The following ADGRD1 variants were observed in gnomAD, a reference collection of about 807,000 sequenced individuals.
The protein encoded by ADGRD1 is adhesion G protein-coupled receptor D1.
Under a neutral mutation model 113.4 loss-of-function variants are expected in ADGRD1, and 77 were observed. The observed-to-expected ratio is 0.68, with a 90% CI of 0.57 to 0.82. The LOEUF (loss-of-function observed/expected upper bound fraction) is 0.82. Ranked by LOEUF, ADGRD1 falls within the 40% of genes least tolerant of loss-of-function variation. The pLI is 0.00. For missense variants in ADGRD1, 1,036 were observed against 1,139.1 expected (o/e 0.91, Z 1.30); for synonymous variants, 474 against 475.0 (o/e 1.00, Z 0.03).
At position 131,084,850 on chromosome 12, in the gene ADGRD1, C is replaced by T. The variant is rs1474985016; in HGVS notation, c.1671+187C>T. On this transcript the variant is annotated intron_variant, in intron 15 of 24. Transcript: ENST00000261654. The surrounding 1 kb of genome is among the most constrained non-coding windows in gnomAD (Gnocchi z 4.5). The stretch of plus-strand genomic sequence containing the variant: ...TCCAGGGTCCTGCATGTATTGGGTG[C>T]CAGCAAATATCCGAGGAGCCCATGA... Among the ~76,000 whole-genome samples the T allele has an allele frequency of 3.9e-5, 6 of 152,174 alleles. No homozygotes were observed. Among genetic ancestry groups the T allele is most frequent in the Non-Finnish European group, 8.8e-5 (6 of 68,024 alleles).
At chr12:131,013,832 C>T (rs1566029638) in intron 12 of ADGRD1, among the ~76,000 whole-genome samples, 1 of 152,138 alleles carries the variant, frequency 6.6e-6, no homozygotes, top group Non-Finnish European at 1.5e-5. Flanking sequence ...AGATTCATGC[C>T]CTGTTATTTT....
intron 6 of ADGRD1, chr12:130,989,448 G>A (rs190554148): frequency 6.6e-6 from 1 of 152,364 alleles, no homozygotes; most frequent in East Asian, 1.9e-4. Context: ...GCATGTATAG[G>A]AGAATGGCTC....
chr12:131,120,716 G>T, intron 19 of ADGRD1, 131 bp from the exon 20 acceptor site: 1 of 820,622 alleles, frequency 1.2e-6, no homozygotes, highest in Non-Finnish European at 2.2e-6. Context: ...CAGGGATTAG[G>T]AATGTTGTAT....
At chr12:131,085,490 A>G (rs556303815) in intron 15 of ADGRD1, among the ~76,000 whole-genome samples, 8 of 152,056 alleles carry the variant, frequency 5.3e-5, no homozygotes, top group African/African-American at 1.9e-4. Flanking sequence ...TTCATTCTAG[A>G]TGCATACGAA....
intron 20 of ADGRD1, among the ~76,000 whole-genome samples, chr12:131,131,299 G>C (rs1950920057): frequency 6.6e-6 from 1 of 152,244 alleles, no homozygotes; most frequent in Admixed American, 6.5e-5. Context: ...GGAGATGAGA[G>C]CCAGCTCCTG....
chr12:131,041,521 G>T lies in ADGRD1; in HGVS notation c.1473+27181G>T, dbSNP rs1468664447. On this transcript the variant is annotated intron_variant, in intron 13 of 24. Coordinates refer to ENST00000261654, the MANE Select transcript of ADGRD1 (RefSeq NM_198827.5). This position sits in a 1 kb window ranked among gnomAD's most constrained non-coding sequence, Gnocchi z 4.4. The stretch of plus-strand genomic sequence containing the variant: ...AGACCGAGACCACTTTGTGACCTCC[G>T]CAGGGAGACGGAGACTGTGGTGGCC... Among the ~76,000 whole-genome samples the T allele has an allele frequency of 6.6e-6, 1 of 152,144 alleles. No individual in the cohort carries two copies. The highest frequency in any genetic ancestry group is 1.5e-5 in the Non-Finnish European group (1 of 68,022).
chr12:131,129,231 G>A (rs1950838002), intron 20 of ADGRD1, among the ~76,000 whole-genome samples: 1 of 125,686 alleles, frequency 8.0e-6, no homozygotes, highest in African/African-American at 3.1e-5. Context: ...CTGGGTGTGA[G>A]TGACAGGCCC....
rs989432251 is a variant in ADGRD1 at position 131,141,317 on chromosome 12, C to T, written c.*2054C>T. ...ATTTATAGGCTCTATGTTTTGGCTT[C>T]TGCAGTACTTTTATTATCTATACAT... On this transcript the variant is annotated 3_prime_UTR_variant, in exon 25 of 25. Coordinates refer to ENST00000261654, the MANE Select transcript of ADGRD1 (RefSeq NM_198827.5). 2 of 152,136 alleles carry T rather than the reference C, an allele frequency of 1.3e-5. No homozygotes were observed. Among genetic ancestry groups the T allele is most frequent in the Non-Finnish European group, 2.9e-5 (2 of 68,036 alleles). 9.4% of individuals were successfully genotyped at this position (152,136 alleles called of 1,614,324 possible).
chr12:131,058,639 A>G (rs1243251528), intron 13 of ADGRD1, among the ~76,000 whole-genome samples: 1 of 152,198 alleles, frequency 6.6e-6, no homozygotes, highest in Non-Finnish European at 1.5e-5. Context: ...TTCGCTGGAC[A>G]TAGAACTCAG....
chr12:131,137,780 C>T (rs1289452992), intron 23 of ADGRD1: 7 of 322,192 alleles, frequency 2.2e-5, no homozygotes, highest in South Asian at 1.8e-4. Context: ...AGGTGGATCC[C>T]GGTGGCAGGA....
chr12:131,135,553 C>T (rs1951054391), intron 21 of ADGRD1, among the ~76,000 whole-genome samples: 1 of 152,202 alleles, frequency 6.6e-6, no homozygotes, highest in Non-Finnish European at 1.5e-5. Context: ...ACGCGGGCTG[C>T]AGCCCAGTGA....
At chr12:131,023,406 T>C (rs1463392772) in intron 13 of ADGRD1, 2 of 152,204 alleles carry the variant, frequency 1.3e-5, no homozygotes, top group Admixed American at 6.5e-5. Context: ...CCCCGCTCTG[T>C]CTCCATCCTC....
At chr12:130,987,513 T>TATAAA in intron 6 of ADGRD1, 164 bp downstream of exon 6, 1 of 675,598 alleles carries the variant, frequency 1.5e-6, no homozygotes, top group South Asian at 1.9e-5. Flanking sequence ...GAACACCTGT[T>TATAAA]CCCTGAGATA....
chr12:131,093,086 A>G (rs1364288182), intron 15 of ADGRD1, among the ~76,000 whole-genome samples: 5 of 151,728 alleles, frequency 3.3e-5, no homozygotes, highest in Non-Finnish European at 7.4e-5. Flanking sequence ...TTCTGCTTTT[A>G]GGAGACAGTG....
chr12:130,981,554 G>T (rs907483673), intron 4 of ADGRD1, among the ~76,000 whole-genome samples: 1 of 152,076 alleles, frequency 6.6e-6, no homozygotes, highest in African/African-American at 2.4e-5. Flanking sequence ...AACTGCCTGG[G>T]GCTGCAGCGA....
At chr12:131,110,094 A>G (rs1950317487) in intron 18 of ADGRD1, among the ~76,000 whole-genome samples, 1 of 152,038 alleles carries the variant, frequency 6.6e-6, no homozygotes, top group South Asian at 2.1e-4. Context: ...GTATCTTTGA[A>G]CCTAAGGTAT....
At chr12:130,979,412 A>G (rs941354307) in intron 4 of ADGRD1, among the ~76,000 whole-genome samples, 2 of 152,234 alleles carry the variant, frequency 1.3e-5, no homozygotes, top group Non-Finnish European at 2.9e-5. Flanking sequence ...TTGTCTTGAT[A>G]TATTGTCACA....
At chr12:131,040,779 A>G (rs1882049415) in intron 13 of ADGRD1, among the ~76,000 whole-genome samples, 1 of 152,206 alleles carries the variant, frequency 6.6e-6, no homozygotes, top group African/African-American at 2.4e-5. Context: ...CATTTGGGAA[A>G]CGGCAGGCTT....
chr12:130,970,881 G>T (rs1352722502), intron 3 of ADGRD1: 1 of 152,260 alleles, frequency 6.6e-6, no homozygotes, highest in Non-Finnish European at 1.5e-5. Flanking sequence ...CTGAAAATGG[G>T]TTCTGCTAAA....
Sources: allele counts gnomAD v4.1 joint callset (sites outside exome capture counted in the v4.1 genomes callset), GRCh38; gene constraint gnomAD v4.1.1; non-coding constraint Gnocchi (gnomAD v3.1); transcripts MANE v1.5; gene names NCBI Gene and HGNC (gene_info 2026-07-23, HGNC 2026-07-21).